The following CMTR1 variants were observed in gnomAD, a reference collection of about 807,000 sequenced individuals.
CMTR1 encodes cap methyltransferase 1.
In CMTR1, 39 loss-of-function variants were observed where a neutral mutation model predicts 107.0. The observed-to-expected ratio is 0.36, with a 90% CI of 0.28 to 0.48. The LOEUF is 0.48. Ranked by LOEUF, CMTR1 falls within the 20% of genes least tolerant of loss-of-function variation. CMTR1 has a pLI of 0.99. For missense variants in CMTR1, 672 were observed against 1,064.9 expected, an observed-to-expected ratio of 0.63 and a Z score of 5.14; for synonymous variants, 366 against 379.5, an observed-to-expected ratio of 0.96 and a Z score of 0.41.
intron 13 of CMTR1, among the ~76,000 whole-genome samples, chr6:37,467,838 A>C (rs1288067018): frequency 1.3e-5 from 2 of 151,984 alleles, no homozygotes; most frequent in African/African-American, 2.4e-5. Flanking sequence ...TGTCTTTATG[A>C]TTAAATATGT....
chr6:37,436,423 T>C (rs1197681133), intron 2 of CMTR1: 1 of 152,242 alleles, frequency 6.6e-6, no homozygotes, highest in Non-Finnish European at 1.5e-5. Context: ...TGTATTAGTT[T>C]CTTAGGGCTA....
intron 2 of CMTR1, among the ~76,000 whole-genome samples, chr6:37,441,660 C>T (rs931901300): frequency 2.0e-5 from 3 of 152,154 alleles, no homozygotes; most frequent in Non-Finnish European, 4.4e-5. Flanking sequence ...GTGATCCGCC[C>T]GCCTCGCCTC....
chr6:37,450,077 T>G (rs1465191870), intron 4 of CMTR1, among the ~76,000 whole-genome samples, 174 bp from the exon 5 acceptor site: 2 of 152,192 alleles, frequency 1.3e-5, no homozygotes, highest in African/African-American at 4.8e-5. Flanking sequence ...AAGTTAAACT[T>G]TAGAATTCTG....
intron 10 of CMTR1, 131 bp from the exon 11 acceptor site, chr6:37,461,418 C>T (rs1337959417): frequency 1.8e-6 from 1 of 555,440 alleles, no homozygotes; most frequent in Non-Finnish European, 3.2e-6. Flanking sequence ...CAACACTGAG[C>T]TGCTTCTTCA....
intron 4 of CMTR1, among the ~76,000 whole-genome samples, chr6:37,446,652 G>A (rs1771803673): frequency 6.6e-6 from 1 of 152,220 alleles, no homozygotes; most frequent in Non-Finnish European, 1.5e-5. Context: ...ATTTCCTGTT[G>A]CATTATAGGA....
upstream of CMTR1, among the ~76,000 whole-genome samples, chr6:37,431,617 G>T (rs1275407203): frequency 6.6e-6 from 1 of 152,196 alleles, no homozygotes; most frequent in Non-Finnish European, 1.5e-5. Flanking sequence ...ACCGTGGTAA[G>T]TGCTTTGATA....
chr6:37,478,947 G>A (rs1398411694), intron 22 of CMTR1, among the ~76,000 whole-genome samples, 200 bp from the exon 23 acceptor site: 1 of 152,170 alleles, frequency 6.6e-6, no homozygotes, highest in Non-Finnish European at 1.5e-5. Context: ...GGGTGGGGTC[G>A]TTGAGAAGAA....
At position 37,466,222 on chromosome 6, in the gene CMTR1, C is replaced by T. The variant is rs997531458; in HGVS notation, c.1505+3214C>T. 2.0e-5 allele frequency among the ~76,000 whole-genome samples: 3 copies of T among 150,410 alleles called. No homozygotes were observed. In the South Asian group the frequency reaches 6.4e-4, roughly 32 times the overall value. On this transcript the variant is annotated intron_variant, in intron 13 of 23. Coordinates refer to ENST00000373451, the MANE Select transcript of CMTR1 (RefSeq NM_015050.3). ...CTGCCTCCCGGGTTCAAGCAATTCT[C>T]CCATCTCAGCCTCCCGAGTAGCTGG...
intron 17 of CMTR1, among the ~76,000 whole-genome samples, chr6:37,473,858 C>T (rs530725179): frequency 6.6e-6 from 1 of 152,306 alleles, no homozygotes; most frequent in South Asian, 2.1e-4. Flanking sequence ...TCTTGTGATA[C>T]AGAGCTTCCC....
intron 8 of CMTR1, among the ~76,000 whole-genome samples, chr6:37,454,696 AATGC>A (rs1357242563): frequency 1.3e-5 from 2 of 152,188 alleles, no homozygotes; most frequent in East Asian, 3.9e-4. Flanking sequence ...CCGTGTTTGT[AATGC>A]TTCAGGCAGC....
At chr6:37,474,794 C>T in intron 18 of CMTR1, 148 bp downstream of exon 18, 1 of 1,241,448 alleles carries the variant, frequency 8.1e-7, no homozygotes, top group Non-Finnish European at 1.1e-6. Flanking sequence ...AATGACTCCT[C>T]CCCGAGCAGT....
intron 19 of CMTR1, 64 bp downstream of exon 19, chr6:37,475,476 G>T: frequency 7.2e-7 from 1 of 1,384,132 alleles, no homozygotes. Context: ...GAGGACAGCG[G>T]CCTCCCGAGG....
At position 37,458,504 on chromosome 6, in the gene CMTR1, G is replaced by A; in HGVS notation, c.778-108G>A. 9.7e-7 allele frequency: 1 copy of A among 1,035,752 alleles called. No individual in the cohort carries two copies. Among genetic ancestry groups the A allele is most frequent in the Non-Finnish European group, 1.4e-6 (1 of 709,624 alleles). The allele number at this position is 1,035,752 out of a possible 1,614,324, so 64.2% of individuals were successfully genotyped here. A position where few individuals can be genotyped will look rare whatever the true frequency, so the allele number is the denominator to read the frequency against. ...TGCTGTAGCTCTGGTGGGAGCTCTG[G>A]ATTGTACTTGCCGAAAGGCTTATTT... On this transcript the variant is annotated intron_variant, in intron 8 of 23. Transcript: ENST00000373451. This position sits in a 1 kb window ranked among gnomAD's most constrained non-coding sequence, Gnocchi z 4.7.
In CMTR1 at chr6:37,476,112, T is replaced by C; in HGVS notation, c.2037-14T>C. On this transcript the variant is annotated splice_polypyrimidine_tract_variant and intron_variant, in intron 19 of 23. Transcript: ENST00000373451. ...TCCTTGGCTTGCCTCTCAGAGAGACTGTTTGGATTGTAGAATTCAGCTTGC... is the reference window on the plus strand; with the variant it reads ...TCCTTGGCTTGCCTCTCAGAGAGACCGTTTGGATTGTAGAATTCAGCTTGC... 1 of 1,613,958 alleles carries C rather than the reference T, an allele frequency of 6.2e-7. No individual in the cohort carries two copies. The highest frequency in any genetic ancestry group is 8.5e-7 in the Non-Finnish European group (1 of 1,179,934).
chr6:37,436,323 T>C (rs889997016), intron 2 of CMTR1: 4 of 152,268 alleles, frequency 2.6e-5, no homozygotes, highest in Non-Finnish European at 5.9e-5. Flanking sequence ...ATTCACAGTT[T>C]CCATAGATGC....
At chr6:37,466,448 T>C (rs575833312) in intron 13 of CMTR1, among the ~76,000 whole-genome samples, 1 of 152,264 alleles carries the variant, frequency 6.6e-6, no homozygotes, top group East Asian at 1.9e-4. Flanking sequence ...TTTACAGTTT[T>C]ATCTGTTACA....
chr6:37,469,394 A>G (rs1761577044), intron 13 of CMTR1, among the ~76,000 whole-genome samples: 1 of 150,966 alleles, frequency 6.6e-6, no homozygotes, highest in Admixed American at 6.6e-5. Flanking sequence ...CAATCTTGAT[A>G]TATTTATATG....
In CMTR1 at chr6:37,462,112, T is replaced by TTCTC. The variant is rs1314715712; in HGVS notation, c.1325+14_1325+17dup. On this transcript the variant is annotated intron_variant, in intron 12 of 23. Coordinates refer to ENST00000373451, the MANE Select transcript of CMTR1 (RefSeq NM_015050.3). Reference sequence around the variant, plus strand: ...CTGCCAACTCAGAGAGGTGAAGCCTTTCTCTCTATATTAGCCAGATTAATT... The same window carrying TTCTC: ...CTGCCAACTCAGAGAGGTGAAGCCTTTCTCTCTCTCTATATTAGCCAGATTAATT... 1.2e-6 allele frequency: 2 copies of TTCTC among 1,613,928 alleles called. No homozygotes were observed. The highest frequency in any genetic ancestry group is 2.7e-5 in the African/African-American group (2 of 74,882).
In CMTR1 at chr6:37,443,999, C is replaced by T. The variant is rs902451536; in HGVS notation, c.134C>T (p.Ala45Val). The T allele has an allele frequency of 6.2e-7, 1 of 1,609,278 alleles. No individual in the cohort carries two copies. The highest frequency in any genetic ancestry group is 1.3e-5 in the African/African-American group (1 of 74,578). The change falls in exon 3 of 24, where the codon GCA (alanine) becomes GTA (valine). Residue 45 changes from alanine (A) to valine (V), a missense_variant and splice_region_variant. Ala to Val is a moderately conservative substitution (Grantham distance 64, BLOSUM62 0). Around this residue, in one of 2 missense-constraint regions of CMTR1, gnomAD observed 89 missense variants for 96.6 expected, o/e 0.92. Transcript: ENST00000373451. ...AAACATTTTCCTTTTTCTTTTTCAG[C>T]ATCTACTACAAGCCTTAGTGGGTCT... ...PPSSVSHGAK[A>V]STTSLSGSDS...
Sources: allele counts gnomAD v4.1 joint callset (sites outside exome capture counted in the v4.1 genomes callset), GRCh38; gene constraint gnomAD v4.1.1; regional missense constraint gnomAD v4.1.1; non-coding constraint Gnocchi (gnomAD v3.1); transcripts MANE v1.5; gene names NCBI Gene and HGNC (gene_info 2026-07-23, HGNC 2026-07-21).